ATRNL1: variants seen among roughly 807,000 people sequenced by gnomAD.
ATRNL1 encodes attractin-like protein 1.
Under a neutral mutation model 182.7 loss-of-function variants are expected in ATRNL1, and 95 were observed. The ratio of observed to expected loss-of-function variants is 0.52; its 90% CI spans 0.44 to 0.62. The LOEUF (loss-of-function observed/expected upper bound fraction) is 0.62, where lower values mean the gene tolerates loss of function less well. ATRNL1 is among the 20% of genes least tolerant of loss of function. The pLI, the probability that ATRNL1 is intolerant of heterozygous loss-of-function variation, is 0.00. For missense variants in ATRNL1, 1,471 were observed against 1,679.5 expected, an observed-to-expected ratio of 0.88 and a Z score of 2.17; for synonymous variants, 576 against 568.3, an observed-to-expected ratio of 1.01 and a Z score of -0.19.
At chr10:115,483,220 ATG>A (rs1848852744) in intron 24 of ATRNL1, among the ~76,000 whole-genome samples, 1 of 151,364 alleles carries the variant, frequency 6.6e-6, no homozygotes, top group Admixed American at 6.6e-5. Context: ...TTTATTTCAT[ATG>A]CCTTCATAAA....
intron 21 of ATRNL1, among the ~76,000 whole-genome samples, chr10:115,437,240 C>G (rs1239856220): frequency 6.6e-6 from 1 of 151,964 alleles, no homozygotes; most frequent in Non-Finnish European, 1.5e-5. Context: ...AAATAGGAAG[C>G]TTATGAGATC....
intron 28 of ATRNL1, among the ~76,000 whole-genome samples, chr10:115,911,471 C>T (rs1268975275): frequency 6.6e-6 from 1 of 152,144 alleles, no homozygotes; most frequent in Non-Finnish European, 1.5e-5. Context: ...GTGCCCACCA[C>T]CATGCCCAGC....
chr10:115,407,712 C>A (rs1299260380), intron 20 of ATRNL1, among the ~76,000 whole-genome samples: 4 of 152,120 alleles, frequency 2.6e-5, no homozygotes, highest in Admixed American at 6.5e-5. Flanking sequence ...ATGCCTTTGA[C>A]ATACTAATTT....
intron 3 of ATRNL1, among the ~76,000 whole-genome samples, chr10:115,124,512 T>C (rs933164810): frequency 3.9e-5 from 6 of 152,134 alleles, no homozygotes; most frequent in African/African-American, 4.8e-5. Flanking sequence ...CAGAGTTTTA[T>C]TGAAGTTTCA....
At chr10:115,705,010 C>T (rs782179791) in intron 26 of ATRNL1, among the ~76,000 whole-genome samples, 3 of 151,810 alleles carry the variant, frequency 2.0e-5, no homozygotes, top group Non-Finnish European at 4.4e-5. Flanking sequence ...GACAGCCCTC[C>T]TCTTTTGCTT....
In ATRNL1 at chr10:115,361,477, G is replaced by A. The variant is rs61882264; in HGVS notation, c.3175+27058G>A. Among the ~76,000 whole-genome samples, 1,219 of 152,094 alleles carry A rather than the reference G, an allele frequency of 8.0e-3. 12 individuals are homozygous for A. The highest frequency in any genetic ancestry group is 0.041 in the Middle Eastern group (12 of 294). On this transcript the variant is annotated intron_variant, in intron 19 of 28. Coordinates refer to ENST00000355044, the MANE Select transcript of ATRNL1 (RefSeq NM_207303.4). ...TCATTGTTTGTGGATCACCTCAGCAGACAAACTAGAGAATACATGTATGTG... is the reference window on the plus strand; with the variant it reads ...TCATTGTTTGTGGATCACCTCAGCAAACAAACTAGAGAATACATGTATGTG...
intron 26 of ATRNL1, among the ~76,000 whole-genome samples, chr10:115,578,960 G>C (rs1854896670): frequency 6.6e-6 from 1 of 151,268 alleles, no homozygotes; most frequent in Non-Finnish European, 1.5e-5. Flanking sequence ...TTTTTTTCTT[G>C]ATCTCATTTC....
At chr10:115,427,300 G>T (rs1554963127) in intron 21 of ATRNL1, among the ~76,000 whole-genome samples, 1 of 151,968 alleles carries the variant, frequency 6.6e-6, no homozygotes, top group Non-Finnish European at 1.5e-5. Flanking sequence ...GAAATCCTTT[G>T]CCCACTTTTT....
chr10:115,518,928 C>T (rs11197259), intron 24 of ATRNL1, among the ~76,000 whole-genome samples: 64,395 of 151,670 alleles, frequency 0.42, 14,143 homozygotes, highest in Middle Eastern at 0.53. Context: ...AGAAAATTCC[C>T]TGTTTTCTTA....
intron 28 of ATRNL1, among the ~76,000 whole-genome samples, chr10:115,879,547 G>A (rs573768594): frequency 2.0e-5 from 3 of 151,160 alleles, no homozygotes; most frequent in African/African-American, 7.3e-5. Flanking sequence ...TGTATAACGG[G>A]GTAAAGGGAG....
At chr10:115,702,649 T>C (rs572989237) in intron 26 of ATRNL1, among the ~76,000 whole-genome samples, 1 of 151,888 alleles carries the variant, frequency 6.6e-6, no homozygotes, top group African/African-American at 2.4e-5. Flanking sequence ...ACCAGTAACA[T>C]TCAAGCTGAG....
chr10:115,540,930 G>A (rs1456663217), intron 25 of ATRNL1, among the ~76,000 whole-genome samples: 6 of 151,918 alleles, frequency 3.9e-5, no homozygotes, highest in South Asian at 2.1e-4. Flanking sequence ...TCCCTGCTTT[G>A]AATATAAAAT....
chr10:115,518,119 G>T (rs188639728), intron 24 of ATRNL1, among the ~76,000 whole-genome samples: 8 of 151,950 alleles, frequency 5.3e-5, no homozygotes, highest in African/African-American at 1.7e-4. Flanking sequence ...ATTTTAGAAT[G>T]CCATTTAAAT....
intron 8 of ATRNL1, 187 bp downstream of exon 8, chr10:115,171,479 C>T (rs41314493): frequency 0.027 from 12,426 of 460,434 alleles, 233 homozygotes; most frequent in South Asian, 0.032. Flanking sequence ...TTAAGCTTAC[C>T]TTTTTAACCA....
At chr10:115,377,604 C>G (rs188150584) in intron 19 of ATRNL1, among the ~76,000 whole-genome samples, 268 of 152,228 alleles carry the variant, frequency 1.8e-3, no homozygotes, top group Non-Finnish European at 3.0e-3. Flanking sequence ...TCATATTTTT[C>G]TGACTTTTTC....
chr10:115,812,630 C>A (rs1377455287), intron 27 of ATRNL1, among the ~76,000 whole-genome samples: 5 of 152,072 alleles, frequency 3.3e-5, no homozygotes, highest in Admixed American at 1.3e-4. Context: ...GTGCACACCA[C>A]CACACCCAGC....
At chr10:115,774,402 G>A (rs1949068268) in intron 27 of ATRNL1, among the ~76,000 whole-genome samples, 1 of 124,696 alleles carries the variant, frequency 8.0e-6, no homozygotes, top group Non-Finnish European at 1.6e-5. Flanking sequence ...TCCAGCCTGG[G>A]CGACAAGAGC....
intron 24 of ATRNL1, among the ~76,000 whole-genome samples, chr10:115,507,272 C>T (rs1253616832): frequency 2.0e-5 from 3 of 151,994 alleles, no homozygotes; most frequent in Admixed American, 6.6e-5. Flanking sequence ...CTAGGCAGTT[C>T]CCAGCTTCAT....
intron 18 of ATRNL1, among the ~76,000 whole-genome samples, chr10:115,320,511 T>C (rs1020624449): frequency 1.3e-5 from 2 of 152,180 alleles, no homozygotes; most frequent in Non-Finnish European, 2.9e-5. Context: ...TCATTCTCCC[T>C]GTCTACTTCA....
Sources: gnomAD v4.1 joint callset for allele counts (sites outside exome capture counted in the v4.1 genomes callset) on GRCh38, gnomAD v4.1.1 for gene constraint, MANE v1.5 for transcripts, NCBI Gene and HGNC (gene_info 2026-07-23, HGNC 2026-07-21) for gene names.